Variants in IPO11 observed in about 807,000 individuals in gnomAD.
IPO11 encodes importin-11.
In IPO11, 66 loss-of-function variants were observed where a neutral mutation model predicts 143.2. The ratio of observed to expected loss-of-function variants is 0.46; its 90% confidence interval spans 0.38 to 0.57. The LOEUF (loss-of-function observed/expected upper bound fraction) is 0.57. Ranked by LOEUF, IPO11 falls within the 20% of genes least tolerant of loss-of-function variation. The probability of loss-of-function intolerance (pLI) is 0.00; values close to 1 mark genes in which losing one functional copy is unlikely to be tolerated. For synonymous variants in IPO11, 385 were observed against 377.8 expected (o/e 1.02, Z -0.22); for missense variants, 1,026 against 1,141.0 (o/e 0.90, Z 1.45).
chr5:62,531,321 C>A (rs138133930), intron 22 of IPO11, among the ~76,000 whole-genome samples: 5 of 152,250 alleles, frequency 3.3e-5, no homozygotes, highest in Non-Finnish European at 5.9e-5. Flanking sequence ...TACAGGCACA[C>A]ACCATCTCAT....
intron 24 of IPO11, among the ~76,000 whole-genome samples, chr5:62,538,850 T>C (rs1054247705): frequency 8.5e-5 from 13 of 152,226 alleles, no homozygotes; most frequent in African/African-American, 3.1e-4. Flanking sequence ...TTTTATTCAC[T>C]GTCGTAACTC....
At chr5:62,579,324 C>A in intron 27 of IPO11, 1 of 904,452 alleles carries the variant, frequency 1.1e-6, no homozygotes, top group Non-Finnish European at 1.8e-6. Flanking sequence ...AAATAGAATA[C>A]AGAAGTTATA....
At chr5:62,531,587 C>T (rs1742547679) in intron 22 of IPO11, among the ~76,000 whole-genome samples, 1 of 152,112 alleles carries the variant, frequency 6.6e-6, no homozygotes, top group African/African-American at 2.4e-5. Flanking sequence ...CTTGGCCTCC[C>T]AAAGCGCTGG....
At chr5:62,469,446 C>A (rs957679815) in intron 6 of IPO11, among the ~76,000 whole-genome samples, 4 of 152,142 alleles carry the variant, frequency 2.6e-5, no homozygotes, top group African/African-American at 9.7e-5. Context: ...TGCCTTTAGA[C>A]CTCATAAACA....
At chr5:62,464,953 A>G (rs1745515511) in intron 5 of IPO11, among the ~76,000 whole-genome samples, 1 of 150,028 alleles carries the variant, frequency 6.7e-6, no homozygotes, top group Non-Finnish European at 1.5e-5. Flanking sequence ...TAAGCAAGAT[A>G]TCGGTTTAAA....
intron 16 of IPO11, among the ~76,000 whole-genome samples, chr5:62,503,348 CTA>C (rs1474992088): frequency 1.1e-3 from 139 of 131,630 alleles, no homozygotes; most frequent in African/African-American, 3.8e-3. Flanking sequence ...TTAATAGTAT[CTA>C]TTAATATATT....
chr5:62,517,206 GAAAA>G, intron 20 of IPO11, among the ~76,000 whole-genome samples: 1 of 145,160 alleles, frequency 6.9e-6, no homozygotes, highest in South Asian at 2.2e-4. Context: ...TCAAAAAAAA[GAAAA>G]AAAAATAAGT....
intron 19 of IPO11, among the ~76,000 whole-genome samples, chr5:62,508,780 G>A (rs201910362): frequency 4.0e-5 from 6 of 151,654 alleles, no homozygotes; most frequent in Non-Finnish European, 5.9e-5. Flanking sequence ...AACAGGCCCC[G>A]GTGTGAGATG....
In IPO11 at chr5:62,583,865, A is replaced by G. The variant is rs865917151; in HGVS notation, c.2583-7712A>G. Among the ~76,000 whole-genome samples, 3 of 152,226 alleles carry G rather than the reference A, an allele frequency of 2.0e-5. No homozygotes were observed. The Middle Eastern group carries it at 0.01, about 518-fold the overall frequency. The stretch of plus-strand genomic sequence containing the variant: ...GCTAAGGAAGCTCACCTTTCTTAAG[A>G]TTTCTGTATTTCTCTACCATTTACT... On this transcript the variant is annotated intron_variant, in intron 27 of 29. Transcript: ENST00000325324.
chr5:62,519,783 A>G (rs1433148297), intron 20 of IPO11, among the ~76,000 whole-genome samples: 1 of 152,222 alleles, frequency 6.6e-6, no homozygotes, highest in Admixed American at 6.5e-5. Flanking sequence ...ATGGACTGAA[A>G]TTGAGGTGAC....
At chr5:62,549,775 A>G (rs1743331358) in intron 24 of IPO11, among the ~76,000 whole-genome samples, 1 of 152,180 alleles carries the variant, frequency 6.6e-6, no homozygotes, top group African/African-American at 2.4e-5. Flanking sequence ...GAAACATCTC[A>G]CTCATATCAA....
intron 3 of IPO11, among the ~76,000 whole-genome samples, chr5:62,448,367 G>C (rs1482306735): frequency 6.6e-6 from 1 of 152,122 alleles, no homozygotes; most frequent in African/African-American, 2.4e-5. Flanking sequence ...TCCATTCATT[G>C]AATCTGCTTC....
chr5:62,503,722 G>GGT (rs1159483373), intron 16 of IPO11, among the ~76,000 whole-genome samples: 1 of 152,142 alleles, frequency 6.6e-6, no homozygotes, highest in Non-Finnish European at 1.5e-5. Flanking sequence ...AAAAACATCT[G>GGT]CACTGTAGGC....
At chr5:62,562,694 A>T (rs904092618) in intron 27 of IPO11, among the ~76,000 whole-genome samples, 1 of 152,188 alleles carries the variant, frequency 6.6e-6, no homozygotes, top group Non-Finnish European at 1.5e-5. Context: ...ATTTTAGAGC[A>T]TACATATACT....
At chr5:62,421,851 G>A (rs1166112332) in intron 1 of IPO11, among the ~76,000 whole-genome samples, 1 of 152,200 alleles carries the variant, frequency 6.6e-6, no homozygotes, top group Non-Finnish European at 1.5e-5. Context: ...ATGACAGGCT[G>A]AGCTCTTTAT....
chr5:62,537,092 C>A (rs1240240731), intron 23 of IPO11, 117 bp from the exon 24 acceptor site: 2 of 658,306 alleles, frequency 3.0e-6, no homozygotes, highest in South Asian at 2.4e-5. Flanking sequence ...ATTTGATATG[C>A]TTAGACCATT....
At chr5:62,435,227 T>A (rs1720026670) in intron 1 of IPO11, among the ~76,000 whole-genome samples, 1 of 144,030 alleles carries the variant, frequency 6.9e-6, no homozygotes, top group African/African-American at 2.6e-5. Context: ...TATATATATA[T>A]CAGAGCAGCT....
chr5:62,506,264 A>G lies in IPO11; in HGVS notation c.1689A>G (p.Leu563=). Residue 563 remains leucine (L), a synonymous_variant, in exon 19 of 30, where the codon CTA becomes CTG. Coordinates refer to ENST00000325324, the MANE Select transcript of IPO11 (RefSeq NM_016338.5). ...FLPYLETMFT[L]LFQLLQQVTE... ...AGTATTTGGAAACCATGTTCACACT[A>G]CTTTTTCAGTTACTGCAGCAAGTTA... The G allele has an allele frequency of 6.2e-7, 1 of 1,608,022 alleles. No homozygotes were observed. The highest frequency in any genetic ancestry group is 8.5e-7 in the Non-Finnish European group (1 of 1,176,238).
chr5:62,460,594 ATACT>A (rs1167231691), intron 5 of IPO11, among the ~76,000 whole-genome samples: 1 of 152,232 alleles, frequency 6.6e-6, no homozygotes, highest in African/African-American at 2.4e-5. Flanking sequence ...AAATGCTAAA[ATACT>A]TAGTGTGTAA....
Sources: gnomAD v4.1 joint callset for allele counts (sites outside exome capture counted in the v4.1 genomes callset) on GRCh38, gnomAD v4.1.1 for gene constraint, MANE v1.5 for transcripts, NCBI Gene and HGNC (gene_info 2026-07-23, HGNC 2026-07-21) for gene names.